The following TGFBR3 variants were observed in gnomAD, a reference collection of about 807,000 sequenced individuals.
The protein encoded by TGFBR3 is transforming growth factor beta receptor 3.
TGFBR3 carries 46 observed loss-of-function variants against 87.9 expected under a neutral mutation model. The ratio of observed to expected loss-of-function variants is 0.52; its 90% CI spans 0.41 to 0.67. TGFBR3 has a LOEUF of 0.67. Ranked by LOEUF, TGFBR3 falls within the 30% of genes least tolerant of loss-of-function variation. The probability of loss-of-function intolerance (pLI) is 0.00; values close to 1 mark genes in which losing one functional copy is unlikely to be tolerated. For synonymous variants in TGFBR3, 381 were observed against 391.6 expected, an observed-to-expected ratio of 0.97 and a Z score of 0.32; for missense variants, 866 against 1,041.9, an observed-to-expected ratio of 0.83 and a Z score of 2.32.
chr1:91,891,152 G>T (rs1217393651), intron 2 of TGFBR3, among the ~76,000 whole-genome samples: 1 of 151,040 alleles, frequency 6.6e-6, no homozygotes, highest in African/African-American at 2.4e-5. Context: ...GCCTCCCAAA[G>T]TGCTGGGATT....
intron 7 of TGFBR3, among the ~76,000 whole-genome samples, 188 bp from the exon 8 acceptor site, chr1:91,722,332 T>A (rs1672398096): frequency 6.6e-6 from 1 of 152,190 alleles, no homozygotes; most frequent in Non-Finnish European, 1.5e-5. Context: ...CTAAAAGACA[T>A]CTACGTATGC....
In TGFBR3 at chr1:91,744,454, T is replaced by C. The variant is rs537065232; in HGVS notation, c.385-9495A>G. ...AAAATTACATATATTGTTGGCATTATATTTCTATTGGACAGTGCTTCTCTA... is the reference window on the plus strand; with the variant it reads ...AAAATTACATATATTGTTGGCATTACATTTCTATTGGACAGTGCTTCTCTA... On this transcript the variant is annotated intron_variant, in intron 4 of 16. Transcript: ENST00000212355. 9.2e-5 allele frequency among the ~76,000 whole-genome samples: 14 copies of C among 152,328 alleles called. 1 individual carries two copies. The highest frequency in any genetic ancestry group is 3.1e-4 in the African/African-American group (13 of 41,568).
chr1:91,869,787 C>T (rs1195073427), intron 1 of TGFBR3, among the ~76,000 whole-genome samples: 1 of 152,240 alleles, frequency 6.6e-6, no homozygotes, highest in Admixed American at 6.5e-5. Flanking sequence ...GTGCGACCAT[C>T]AGCATGTTTT....
At chr1:91,806,708 T>G (rs1365087423) in intron 2 of TGFBR3, among the ~76,000 whole-genome samples, 2 of 152,188 alleles carry the variant, frequency 1.3e-5, no homozygotes, top group Non-Finnish European at 2.9e-5. Context: ...GGTAACATTA[T>G]AGGCTGGGAC....
chr1:91,711,192 G>A (rs1473595557), intron 13 of TGFBR3, among the ~76,000 whole-genome samples: 4 of 152,142 alleles, frequency 2.6e-5, no homozygotes, highest in African/African-American at 4.8e-5. Context: ...CATCACCGCC[G>A]CAAAAGCAAA....
At chr1:91,804,982 T>C (rs945413108) in intron 2 of TGFBR3, among the ~76,000 whole-genome samples, 1 of 152,172 alleles carries the variant, frequency 6.6e-6, no homozygotes, top group African/African-American at 2.4e-5. Flanking sequence ...AGAACACACC[T>C]GAAAGCAACA....
chr1:91,901,847 A>G (rs894472703), intron 1 of TGFBR3, among the ~76,000 whole-genome samples: 5 of 151,190 alleles, frequency 3.3e-5, no homozygotes, highest in Non-Finnish European at 5.9e-5. Context: ...CAGGAGTTTG[A>G]GGCTGCAGTG....
intron 2 of TGFBR3, among the ~76,000 whole-genome samples, chr1:91,817,914 T>C (rs995550477): frequency 2.0e-5 from 3 of 151,236 alleles, no homozygotes; most frequent in African/African-American, 7.3e-5. Flanking sequence ...ACTTGATAAT[T>C]CACATCTCCC....
intron 3 of TGFBR3, among the ~76,000 whole-genome samples, chr1:91,788,863 A>G (rs934140647): frequency 2.6e-5 from 4 of 152,182 alleles, no homozygotes; most frequent in Admixed American, 6.5e-5. Flanking sequence ...GTCTAACAAC[A>G]CTTTCAGGAA....
rs369559704 is a variant in TGFBR3 at position 91,722,073 on chromosome 1, G to C, written c.957C>G (p.Asp319Glu). 16 of 1,613,900 alleles carry C rather than the reference G, an allele frequency of 9.9e-6. No homozygotes were observed. The highest frequency in any genetic ancestry group is 1.4e-5 in the Non-Finnish European group (16 of 1,179,914). The change falls in exon 8 of 17, where the codon GAC becomes GAG. Residue 319 changes from aspartate (D) to glutamate (E), a missense_variant. By Grantham distance (45) the Asp-to-Glu change is conservative (BLOSUM62 2). Transcript: ENST00000212355. Reference sequence around the variant, plus strand: ...CCAGATTCCCTTGGGTTGAAGGAATGTCATCTCTTATTGATTTGGTCATTG... The same window carrying C: ...CCAGATTCCCTTGGGTTGAAGGAATCTCATCTCTTATTGATTTGGTCATTG... ...SMTMTKSIRD[D>E]IPSTQGNLVK...
At chr1:91,791,522 G>A (rs989948834) in intron 3 of TGFBR3, among the ~76,000 whole-genome samples, 4 of 152,150 alleles carry the variant, frequency 2.6e-5, no homozygotes, top group Admixed American at 2.6e-4. Context: ...TCCAAGCACT[G>A]CAAAGAGTTA....
At chr1:91,703,334 C>G (rs1671686668) in intron 14 of TGFBR3, among the ~76,000 whole-genome samples, 1 of 152,126 alleles carries the variant, frequency 6.6e-6, no homozygotes, top group Admixed American at 6.5e-5. Context: ...CCCTCCCTTC[C>G]CAAAAAACCT....
intron 4 of TGFBR3, among the ~76,000 whole-genome samples, chr1:91,738,172 G>A (rs1174167634): frequency 1.3e-5 from 2 of 152,160 alleles, no homozygotes; most frequent in Non-Finnish European, 2.9e-5. Flanking sequence ...GCAGATTTTG[G>A]ACTTCTTAGC....
At chr1:91,726,156 G>A (rs1385884569) in intron 7 of TGFBR3, among the ~76,000 whole-genome samples, 1 of 152,114 alleles carries the variant, frequency 6.6e-6, no homozygotes, top group Non-Finnish European at 1.5e-5. Flanking sequence ...GAGAGATGGG[G>A]ACATTCAAAG....
chr1:91,691,018 A>G (rs1307230291), intron 16 of TGFBR3, among the ~76,000 whole-genome samples: 2 of 152,180 alleles, frequency 1.3e-5, no homozygotes, highest in Non-Finnish European at 2.9e-5. Flanking sequence ...TCACAGGAAA[A>G]AAGTTATTAG....
rs1050297928 is a variant in TGFBR3 at position 91,856,428 on chromosome 1, G to A, written c.61+5043C>T. Among the ~76,000 whole-genome samples the A allele has an allele frequency of 9.1e-5, 13 of 143,086 alleles. No homozygotes were observed. The South Asian group carries it at 2.0e-3, about 22-fold the overall frequency. The allele number at this position is 143,086 out of a possible 152,430, so 93.9% of individuals were successfully genotyped here. A position where few individuals can be genotyped will look rare whatever the true frequency, so the allele number is the denominator to read the frequency against. Reference sequence around the variant, plus strand: ...GACATGGATATCCCCCGACCCACCCGGCCCCGACTGCCTTCATTCACTCTC... The same window carrying A: ...GACATGGATATCCCCCGACCCACCCAGCCCCGACTGCCTTCATTCACTCTC... On this transcript the variant is annotated intron_variant, in intron 2 of 16. Coordinates refer to ENST00000212355, the MANE Select transcript of TGFBR3 (RefSeq NM_003243.5).
chr1:91,741,751 A>C (rs1476556122), intron 4 of TGFBR3, among the ~76,000 whole-genome samples: 9 of 152,150 alleles, frequency 5.9e-5, no homozygotes, highest in African/African-American at 1.9e-4. Context: ...CCCATCTTCC[A>C]CCTTATCCCT....
intron 3 of TGFBR3, among the ~76,000 whole-genome samples, chr1:91,792,357 C>G (rs750413744): frequency 2.6e-5 from 4 of 152,126 alleles, no homozygotes; most frequent in Non-Finnish European, 5.9e-5. Flanking sequence ...TGGCCCCTTT[C>G]CCATGGTAAT....
At chr1:91,900,614 T>A (rs1185085461) in intron 1 of TGFBR3, among the ~76,000 whole-genome samples, 1 of 152,186 alleles carries the variant, frequency 6.6e-6, no homozygotes, top group Non-Finnish European at 1.5e-5. Flanking sequence ...AAACTCCACA[T>A]CTTGACCATT....
Sources: gnomAD v4.1 joint callset for allele counts (sites outside exome capture counted in the v4.1 genomes callset) on GRCh38, gnomAD v4.1.1 for gene constraint, MANE v1.5 for transcripts, NCBI Gene and HGNC (gene_info 2026-07-23, HGNC 2026-07-21) for gene names.